GPR137C: variants seen among roughly 807,000 people sequenced by gnomAD.
GPR137C encodes G protein-coupled receptor 137C.
A neutral mutation model predicts 43.4 loss-of-function variants in GPR137C; 27 were observed. That is an observed-to-expected ratio of 0.62 (90% CI 0.46 to 0.86). GPR137C has a LOEUF of 0.86. Among genes scored for constraint, GPR137C ranks in the 40% least tolerant of loss-of-function variants. The probability of loss-of-function intolerance (pLI) is 0.00; values close to 1 mark genes in which losing one functional copy is unlikely to be tolerated. For missense variants in GPR137C, 522 were observed against 534.6 expected (o/e 0.98, Z 0.23); for synonymous variants, 285 against 226.9 (o/e 1.26, Z -2.30).
At chr14:52,565,661 G>A (rs139856361) in intron 1 of GPR137C, among the ~76,000 whole-genome samples, 5 of 152,276 alleles carry the variant, frequency 3.3e-5, no homozygotes, top group African/African-American at 1.2e-4. Context: ...TTTAAAAGTA[G>A]CATTTTCTTC....
At chr14:52,561,222 G>A (rs1407548191) in intron 1 of GPR137C, among the ~76,000 whole-genome samples, 3 of 152,284 alleles carry the variant, frequency 2.0e-5, no homozygotes, top group East Asian at 1.9e-4. Context: ...GGATTAATTG[G>A]AACTCCTACA....
intron 1 of GPR137C, among the ~76,000 whole-genome samples, chr14:52,555,854 G>A (rs2139426712): frequency 6.6e-6 from 1 of 152,212 alleles, no homozygotes; most frequent in East Asian, 1.9e-4. Context: ...TTTTTTGAAA[G>A]CCTGTTTGAA....
chr14:52,573,917 A>G (rs2038510497), intron 1 of GPR137C, among the ~76,000 whole-genome samples: 2 of 152,208 alleles, frequency 1.3e-5, no homozygotes, highest in Admixed American at 6.5e-5. Flanking sequence ...AAGGATATGA[A>G]CAGACACTTC....
At chr14:52,634,026 T>C (rs1016437832) in intron 6 of GPR137C, 80 bp downstream of exon 6, 77 of 828,042 alleles carry the variant, frequency 9.3e-5, no homozygotes, top group Non-Finnish European at 1.5e-4. Flanking sequence ...AACCAAAATA[T>C]GAAAAAAGGT....
At chr14:52,596,439 G>A (rs886234726) in intron 1 of GPR137C, among the ~76,000 whole-genome samples, 5 of 152,252 alleles carry the variant, frequency 3.3e-5, no homozygotes, top group African/African-American at 1.2e-4. Context: ...GTGGCGTCTA[G>A]CGAGGCGGTA....
intron 1 of GPR137C, among the ~76,000 whole-genome samples, chr14:52,581,111 G>T (rs1594788833): frequency 6.7e-6 from 1 of 150,194 alleles, no homozygotes; most frequent in Admixed American, 6.7e-5. Flanking sequence ...CAGGAGAATT[G>T]CTTGAACCCG....
At chr14:52,580,931 G>A (rs911968446) in intron 1 of GPR137C, among the ~76,000 whole-genome samples, 7 of 149,446 alleles carry the variant, frequency 4.7e-5, no homozygotes, top group African/African-American at 1.7e-4. Flanking sequence ...AGGCCTGGTG[G>A]CTCACACCTG....
rs2039355923 is a variant in GPR137C at position 52,636,623 on chromosome 14, T to C, written c.*1508T>C. 2 of 152,170 alleles carry C rather than the reference T, an allele frequency of 1.3e-5. No individual in the cohort carries two copies. Among genetic ancestry groups the C allele is most frequent in the Admixed American group, 6.5e-5 (1 of 15,272 alleles). The allele number at this position is 152,170 out of a possible 1,614,324, so 9.4% of individuals were successfully genotyped here. A position where few individuals can be genotyped will look rare whatever the true frequency, so the allele number is the denominator to read the frequency against. ...AACTGATACAATAACTTCATAAAAG[T>C]ATAACACTAGGTTGAAACCTTAAGG... On this transcript the variant is annotated 3_prime_UTR_variant, in exon 7 of 7. Coordinates refer to ENST00000321662, the MANE Select transcript of GPR137C (RefSeq NM_001099652.2).
chr14:52,570,832 C>T (rs551858866), intron 1 of GPR137C, among the ~76,000 whole-genome samples: 15 of 152,174 alleles, frequency 9.9e-5, no homozygotes, highest in Non-Finnish European at 1.8e-4. Context: ...CACCCAGATT[C>T]ATAAAGCAAG....
At chr14:52,603,659 C>T (rs942267657) in intron 3 of GPR137C, among the ~76,000 whole-genome samples, 57 of 152,028 alleles carry the variant, frequency 3.7e-4, no homozygotes, top group African/African-American at 6.0e-4. Context: ...CTCAGCCTCC[C>T]GAGTAGCTGG....
At chr14:52,563,647 AACAC>A (rs371477623) in intron 1 of GPR137C, among the ~76,000 whole-genome samples, 1 of 151,838 alleles carries the variant, frequency 6.6e-6, no homozygotes, top group Admixed American at 6.6e-5. Flanking sequence ...CCAACTCAAA[AACAC>A]ACACACACAC....
chr14:52,582,318 G>A (rs1421041240), intron 1 of GPR137C, among the ~76,000 whole-genome samples: 1 of 152,124 alleles, frequency 6.6e-6, no homozygotes, highest in African/African-American at 2.4e-5. Context: ...CACATTGGGG[G>A]TTAGTATTTC....
intron 1 of GPR137C, among the ~76,000 whole-genome samples, chr14:52,593,792 A>G (rs1402867136): frequency 4.0e-5 from 1 of 24,808 alleles, no homozygotes; most frequent in African/African-American, 5.1e-4. Context: ...TCCTGGATTC[A>G]TTGATTTTTT....
intron 1 of GPR137C, among the ~76,000 whole-genome samples, chr14:52,592,570 G>A (rs939695031): frequency 2.0e-5 from 3 of 152,062 alleles, no homozygotes; most frequent in African/African-American, 7.3e-5. Context: ...TGGATTCTTA[G>A]GTATTTTATT....
intron 1 of GPR137C, among the ~76,000 whole-genome samples, chr14:52,567,690 C>T (rs1457445389): frequency 3.5e-5 from 5 of 141,824 alleles, no homozygotes; most frequent in Admixed American, 7.4e-5. Flanking sequence ...GACAGAGAAT[C>T]GCCCTGTTAC....
At chr14:52,555,028 G>A (rs763041602) in intron 1 of GPR137C, among the ~76,000 whole-genome samples, 11 of 151,820 alleles carry the variant, frequency 7.2e-5, no homozygotes, top group Non-Finnish European at 4.4e-5. Context: ...TCTAGTTGTC[G>A]TTTAAGCTGT....
intron 4 of GPR137C, among the ~76,000 whole-genome samples, 168 bp from the exon 5 acceptor site, chr14:52,633,362 A>C (rs1030863603): frequency 6.6e-6 from 1 of 152,248 alleles, no homozygotes; most frequent in East Asian, 1.9e-4. Flanking sequence ...ATGTCCTTTA[A>C]AGGATAAGTG....
intron 1 of GPR137C, among the ~76,000 whole-genome samples, chr14:52,576,712 T>G (rs2038558172): frequency 6.6e-6 from 1 of 152,186 alleles, no homozygotes. Context: ...TTACAGAACA[T>G]TCTACCCTAC....
intron 3 of GPR137C, among the ~76,000 whole-genome samples, chr14:52,622,052 A>ATTT (rs962888558): frequency 6.6e-6 from 1 of 151,982 alleles, no homozygotes; most frequent in African/African-American, 2.4e-5. Flanking sequence ...AGACAGCTAG[A>ATTT]TTTTTATGTC....
Sources: gnomAD v4.1 joint callset for allele counts (sites outside exome capture counted in the v4.1 genomes callset) on GRCh38, gnomAD v4.1.1 for gene constraint, MANE v1.5 for transcripts, NCBI Gene and HGNC (gene_info 2026-07-23, HGNC 2026-07-21) for gene names.